Variants in KATNAL2 observed in about 807,000 individuals in gnomAD.
KATNAL2 encodes the protein katanin p60 ATPase-containing subunit A-like 2.
Under a neutral mutation model 76.3 loss-of-function variants are expected in KATNAL2, and 52 were observed. The observed-to-expected ratio is 0.68, with a 90% CI of 0.55 to 0.86. The LOEUF (loss-of-function observed/expected upper bound fraction) is 0.86, where lower values mean the gene tolerates loss of function less well. Ranked by LOEUF, KATNAL2 falls within the 40% of genes least tolerant of loss-of-function variation. The pLI is 0.00. For missense variants in KATNAL2, 660 were observed against 668.9 expected (o/e 0.99, Z 0.15); for synonymous variants, 243 against 244.2 (o/e 1.00, Z 0.05).
intron 3 of KATNAL2, among the ~76,000 whole-genome samples, chr18:46,953,658 A>G (rs1227902217): frequency 6.6e-6 from 1 of 152,164 alleles, no homozygotes; most frequent in African/African-American, 2.4e-5. Flanking sequence ...CTGGAGGGCT[A>G]AAGTGGCAAG....
intron 15 of KATNAL2, among the ~76,000 whole-genome samples, chr18:47,084,798 G>A (rs1006949241): frequency 7.6e-6 from 1 of 130,992 alleles, no homozygotes; most frequent in East Asian, 2.4e-4. Context: ...GCAGTGAGTT[G>A]AGATTGCACC....
At chr18:47,099,539 T>G (rs999314818) in intron 16 of KATNAL2, 134 bp downstream of exon 16, 26 of 758,878 alleles carry the variant, frequency 3.4e-5, no homozygotes, top group African/African-American at 1.4e-4. Context: ...CGTAATGCAA[T>G]GGGCATCTTC....
chr18:47,056,994 A>G (rs985157669), intron 6 of KATNAL2, among the ~76,000 whole-genome samples: 3 of 147,812 alleles, frequency 2.0e-5, no homozygotes, highest in Non-Finnish European at 3.0e-5. Flanking sequence ...TTAAAGATAG[A>G]AAAAAAAAAC....
At chr18:47,055,759 C>T (rs537839076) in intron 6 of KATNAL2, among the ~76,000 whole-genome samples, 3 of 152,216 alleles carry the variant, frequency 2.0e-5, no homozygotes, top group African/African-American at 7.2e-5. Context: ...TTTTCTGGAA[C>T]CTTCTCAGCA....
In KATNAL2 at chr18:47,053,097, T is replaced by C. The variant is rs761429581; in HGVS notation, c.289+51T>C. The C allele has an allele frequency of 2.1e-6, 3 of 1,418,412 alleles. No individual in the cohort carries two copies. In the African/African-American group the frequency reaches 4.3e-5, roughly 20 times the overall value. 87.9% of individuals were successfully genotyped at this position (1,418,412 alleles called of 1,614,324 possible). On this transcript the variant is annotated intron_variant, in intron 5 of 17. Transcript: ENST00000683218. The stretch of plus-strand genomic sequence containing the variant: ...GGCTTTGTCTCATCTGTAAGATTAG[T>C]GTTTCTTTCTCATCTTATTCCCAGA...
In KATNAL2 at chr18:47,032,837, G is replaced by A. The variant is rs186796328; in HGVS notation, c.52-13620G>A. ...GCTGGGAGGTAGTGGCTGGGTGTGG[G>A]AGGCAAAATCACAGGGCCAGCACAT... On this transcript the variant is annotated intron_variant, in intron 3 of 17. Coordinates refer to ENST00000683218, the MANE Select transcript of KATNAL2 (RefSeq NM_001387690.1). The A allele has an allele frequency of 5.0e-5, 68 of 1,367,646 alleles. No homozygotes were observed. In the African/African-American group the frequency reaches 8.5e-4, roughly 17 times the overall value. The allele number at this position is 1,367,646 out of a possible 1,614,324, so 84.7% of individuals were successfully genotyped here. A position where few individuals can be genotyped will look rare whatever the true frequency, so the allele number is the denominator to read the frequency against.
intron 3 of KATNAL2, chr18:47,034,728 C>T: frequency 6.2e-7 from 1 of 1,612,992 alleles, no homozygotes; most frequent in Non-Finnish European, 8.5e-7. Context: ...CCTCGGGCAT[C>T]CGGAGGGGAG....
In KATNAL2 at chr18:47,061,773, T is replaced by C. The variant is rs192609614; in HGVS notation, c.550-1199T>C. Among the ~76,000 whole-genome samples the C allele has an allele frequency of 4.8e-3, 728 of 152,292 alleles. 5 individuals carry two copies. Among genetic ancestry groups the C allele is most frequent in the African/African-American group, 0.017 (704 of 41,570 alleles). On this transcript the variant is annotated intron_variant, in intron 8 of 17. Transcript: ENST00000683218. ...CTCATCTGTAAAGTGGAAATAATCA[T>C]AGCGTCCCCTTTAAGTCTCATGATG...
Position 46,937,105 on chromosome 18 carries a change from T to C in KATNAL2, c.-509-8952T>C, listed in dbSNP as rs1451257876. 3.3e-5 allele frequency among the ~76,000 whole-genome samples: 5 copies of C among 152,346 alleles called. 1 individual carries two copies. Among genetic ancestry groups the C allele is most frequent in the African/African-American group, 1.2e-4 (5 of 41,582 alleles). On this transcript the variant is annotated intron_variant, in intron 1 of 17. Coordinates refer to ENST00000683218, the MANE Select transcript of KATNAL2 (RefSeq NM_001387690.1). ...CTGTCATGAGGCAGTTTTTCATCAC[T>C]TTCCAGGTTCTGATGAGGTGTTAGA...
chr18:47,033,504 A>T, intron 3 of KATNAL2: 1 of 1,614,070 alleles, frequency 6.2e-7, no homozygotes, highest in Non-Finnish European at 8.5e-7. Context: ...GGAAACAATG[A>T]TTCCTCCGTA....
chr18:47,085,003 C>T (rs1378538672), intron 15 of KATNAL2, among the ~76,000 whole-genome samples: 1 of 152,076 alleles, frequency 6.6e-6, no homozygotes, highest in East Asian at 1.9e-4. Flanking sequence ...CAGGGGTCTG[C>T]TCTGATGCCA....
chr18:46,947,899 C>T (rs1298461186), intron 3 of KATNAL2, among the ~76,000 whole-genome samples: 1 of 152,132 alleles, frequency 6.6e-6, no homozygotes. Context: ...CCGGATTGTA[C>T]TTAAGCCTAT....
chr18:46,953,202 C>CT (rs1221808899), intron 3 of KATNAL2, among the ~76,000 whole-genome samples: 3 of 152,194 alleles, frequency 2.0e-5, no homozygotes, highest in Non-Finnish European at 4.4e-5. Flanking sequence ...CACCTTCCTC[C>CT]TTTTCTTTTT....
chr18:47,060,517 T>C (rs908862040), intron 8 of KATNAL2, among the ~76,000 whole-genome samples: 1 of 152,190 alleles, frequency 6.6e-6, no homozygotes, highest in South Asian at 2.1e-4. Flanking sequence ...AAGACCCAGA[T>C]TGGGTGGATG....
intron 3 of KATNAL2, among the ~76,000 whole-genome samples, chr18:46,953,283 T>G (rs1002265837): frequency 3.3e-5 from 5 of 152,230 alleles, no homozygotes; most frequent in Non-Finnish European, 7.3e-5. Context: ...TGTGGTTTTG[T>G]CTTTCATGTG....
intron 15 of KATNAL2, among the ~76,000 whole-genome samples, chr18:47,090,897 C>A (rs1053125136): frequency 2.0e-5 from 3 of 152,196 alleles, no homozygotes; most frequent in Non-Finnish European, 2.9e-5. Flanking sequence ...TAATCATTGG[C>A]TCCCTATTAT....
At chr18:46,937,675 C>T (rs2059132824) in intron 1 of KATNAL2, among the ~76,000 whole-genome samples, 1 of 152,158 alleles carries the variant, frequency 6.6e-6, no homozygotes, top group South Asian at 2.1e-4. Context: ...CCTAGAGAAA[C>T]TCTCATACAT....
intron 3 of KATNAL2, among the ~76,000 whole-genome samples, chr18:46,956,907 G>T (rs554547638): frequency 6.6e-6 from 1 of 152,118 alleles, no homozygotes; most frequent in East Asian, 1.9e-4. Flanking sequence ...GCCAGGCGTG[G>T]TGGCATGCAC....
intron 2 of KATNAL2, 40 bp from the exon 3 acceptor site, chr18:46,946,814 C>A: frequency 6.6e-7 from 1 of 1,504,904 alleles, no homozygotes; most frequent in South Asian, 1.2e-5. Context: ...TTGGATCGAC[C>A]GGTCAGCCCA....
Sources: allele counts gnomAD v4.1 joint callset (sites outside exome capture counted in the v4.1 genomes callset), GRCh38; gene constraint gnomAD v4.1.1; transcripts MANE v1.5; gene names NCBI Gene and HGNC (gene_info 2026-07-23, HGNC 2026-07-21).